Variants in UNC5D observed in about 807,000 individuals in gnomAD.
UNC5D encodes unc-5 netrin receptor D.
UNC5D carries 39 observed loss-of-function variants against 105.4 expected under a neutral mutation model. The observed-to-expected ratio is 0.37, with a 90% CI of 0.29 to 0.48. The LOEUF (loss-of-function observed/expected upper bound fraction) is 0.48. UNC5D is among the 20% of genes least tolerant of loss of function. The probability of loss-of-function intolerance (pLI) is 0.98; values close to 1 mark genes in which losing one functional copy is unlikely to be tolerated. For synonymous variants in UNC5D, 452 were observed against 450.4 expected (o/e 1.00, Z -0.04); for missense variants, 991 against 1,202.4 (o/e 0.82, Z 2.60).
At chr8:35,451,273 C>T (rs1808136279) in intron 1 of UNC5D, among the ~76,000 whole-genome samples, 1 of 152,010 alleles carries the variant, frequency 6.6e-6, no homozygotes, top group Admixed American at 6.6e-5. Flanking sequence ...GAACTCCCAA[C>T]CTCAGGTGAT....
intron 1 of UNC5D, among the ~76,000 whole-genome samples, chr8:35,507,584 G>A (rs1275889431): frequency 6.6e-6 from 1 of 151,934 alleles, no homozygotes; most frequent in African/African-American, 2.4e-5. Context: ...GAGAGCAGAA[G>A]GATGGTTACC....
intron 1 of UNC5D, among the ~76,000 whole-genome samples, chr8:35,398,939 T>C (rs1804269560): frequency 6.6e-6 from 1 of 152,040 alleles, no homozygotes; most frequent in South Asian, 2.1e-4. Flanking sequence ...GCAGATTGCC[T>C]GAGCTCAGGA....
intron 1 of UNC5D, among the ~76,000 whole-genome samples, chr8:35,491,972 G>C (rs1373673872): frequency 1.3e-5 from 2 of 152,090 alleles, no homozygotes; most frequent in Non-Finnish European, 1.5e-5. Context: ...AAAGCAAAGA[G>C]TATGATTTGA....
chr8:35,496,229 A>G (rs961588738), intron 1 of UNC5D, among the ~76,000 whole-genome samples: 1 of 152,182 alleles, frequency 6.6e-6, no homozygotes, highest in Non-Finnish European at 1.5e-5. Context: ...ATAGGTAAGT[A>G]TCTGTGAGTA....
chr8:35,722,547 G>C, intron 9 of UNC5D, 152 bp downstream of exon 9: 3 of 969,172 alleles, frequency 3.1e-6, no homozygotes, highest in Non-Finnish European at 4.4e-6. Context: ...GACCGGGCTG[G>C]GTGAAGTGGT....
At chr8:35,506,629 G>T (rs572024531) in intron 1 of UNC5D, among the ~76,000 whole-genome samples, 1 of 152,204 alleles carries the variant, frequency 6.6e-6, no homozygotes, top group African/African-American at 2.4e-5. Context: ...GAAGTATTTC[G>T]GAATCTAAAG....
chr8:35,642,439 AT>A lies in UNC5D; in HGVS notation c.571-41100del, dbSNP rs1039729372. 1.4e-4 allele frequency among the ~76,000 whole-genome samples: 22 copies of A among 152,058 alleles called. 1 individual carries two copies. The highest frequency in any genetic ancestry group is 2.9e-4 in the African/African-American group (12 of 41,482). On this transcript the variant is annotated intron_variant, in intron 4 of 16. Coordinates refer to ENST00000404895, the MANE Select transcript of UNC5D (RefSeq NM_080872.4). ...AAACAAATAGCAACAACATGATACAATTTTTTTTAGAGGTTTTTCTGTCCTC... is the reference window on the plus strand; with the variant it reads ...AAACAAATAGCAACAACATGATACAATTTTTTTAGAGGTTTTTCTGTCCTC...
chr8:35,425,950 T>C (rs1216496060), intron 1 of UNC5D, among the ~76,000 whole-genome samples: 1 of 152,146 alleles, frequency 6.6e-6, no homozygotes, highest in African/African-American at 2.4e-5. Context: ...ACTAACATGA[T>C]TTTTGAACGT....
At position 35,560,527 on chromosome 8, in the gene UNC5D, G is replaced by A. The variant is rs567847223; in HGVS notation, c.323-7571G>A. 3.9e-5 allele frequency among the ~76,000 whole-genome samples: 6 copies of A among 152,268 alleles called. No individual in the cohort carries two copies. In the South Asian group the frequency reaches 1.2e-3, roughly 32 times the overall value. ...GTATGTATATCATTTGATCAGTGAG[G>A]ATTTGAGAAAGAATGTATTTAAAAA... On this transcript the variant is annotated intron_variant, in intron 2 of 16. Coordinates refer to ENST00000404895, the MANE Select transcript of UNC5D (RefSeq NM_080872.4).
Position 35,748,542 on chromosome 8 carries a change from C to G in UNC5D, c.1782C>G (p.Gly594=). Reference sequence around the variant, plus strand: ...AACTGTGAAGCCTCCAGTCAGATGGCTCTGAGGTGCTCCTGAGTCCTGAAG... The same window carrying G: ...AACTGTGAAGCCTCCAGTCAGATGGGTCTGAGGTGCTCCTGAGTCCTGAAG... ...NQGEPSLQSD[G]SEVLLSPEVT... Residue 594 remains glycine (G), a synonymous_variant, in exon 12 of 17, where the codon GGC becomes GGG. Transcript: ENST00000404895. 6.2e-7 allele frequency: 1 copy of G among 1,613,794 alleles called. No homozygotes were observed. Among genetic ancestry groups the G allele is most frequent in the Non-Finnish European group, 8.5e-7 (1 of 1,179,822 alleles).
chr8:35,519,408 C>A (rs1410701319), intron 1 of UNC5D, among the ~76,000 whole-genome samples: 1 of 152,046 alleles, frequency 6.6e-6, no homozygotes, highest in African/African-American at 2.4e-5. Flanking sequence ...TTATAACATA[C>A]CCACATGCGC....
chr8:35,685,621 T>G (rs952612181), intron 6 of UNC5D, among the ~76,000 whole-genome samples: 1 of 152,196 alleles, frequency 6.6e-6, no homozygotes, highest in Non-Finnish European at 1.5e-5. Context: ...ATTGAGTGCT[T>G]ACTATGTGCC....
rs145676748 is a variant in UNC5D, at chr8:35,264,245, G to A, written c.103+28358G>A. 7.2e-3 allele frequency among the ~76,000 whole-genome samples: 1,102 copies of A among 152,270 alleles called. 8 individuals carry two copies. The highest frequency in any genetic ancestry group is 0.013 in the African/African-American group (536 of 41,540). The stretch of plus-strand genomic sequence containing the variant: ...TGCTCAGGCACTGCAGATGTTCTAC[G>A]TGCAAATGAATAGAGTGGTTAAATT... On this transcript the variant is annotated intron_variant, in intron 1 of 16. Coordinates refer to ENST00000404895, the MANE Select transcript of UNC5D (RefSeq NM_080872.4).
At chr8:35,474,243 T>G (rs1030452567) in intron 1 of UNC5D, among the ~76,000 whole-genome samples, 1 of 152,250 alleles carries the variant, frequency 6.6e-6, no homozygotes, top group Non-Finnish European at 1.5e-5. Flanking sequence ...ACAGTTTTCC[T>G]AGTTGTTTAC....
chr8:35,388,359 A>G (rs888052892), intron 1 of UNC5D, among the ~76,000 whole-genome samples: 1 of 151,848 alleles, frequency 6.6e-6, no homozygotes, highest in Admixed American at 6.6e-5. Flanking sequence ...GTGAAACCCC[A>G]TCTCGAAAAA....
intron 4 of UNC5D, among the ~76,000 whole-genome samples, chr8:35,646,708 A>G (rs1292114045): frequency 6.6e-6 from 1 of 152,168 alleles, no homozygotes; most frequent in African/African-American, 2.4e-5. Context: ...AGCAATGATT[A>G]TCCCTAAATG....
intron 16 of UNC5D, among the ~76,000 whole-genome samples, chr8:35,779,676 A>G (rs1802414910): frequency 1.3e-5 from 2 of 152,002 alleles, no homozygotes; most frequent in African/African-American, 4.8e-5. Flanking sequence ...GGCTGGTCTC[A>G]AACTCCTGGC....
chr8:35,663,489 C>A (rs982362325), intron 4 of UNC5D, among the ~76,000 whole-genome samples: 3 of 152,132 alleles, frequency 2.0e-5, no homozygotes, highest in East Asian at 3.9e-4. Context: ...GTGTTCATGT[C>A]CAGCTAAAAC....
At chr8:35,759,931 A>AT (rs1296287586) in intron 14 of UNC5D, among the ~76,000 whole-genome samples, 8 of 152,044 alleles carry the variant, frequency 5.3e-5, no homozygotes, top group African/African-American at 1.4e-4. Flanking sequence ...GAAACAAGAG[A>AT]TTTTTTTCTT....
Sources: allele counts gnomAD v4.1 joint callset (sites outside exome capture counted in the v4.1 genomes callset), GRCh38; gene constraint gnomAD v4.1.1; transcripts MANE v1.5; gene names NCBI Gene and HGNC (gene_info 2026-07-23, HGNC 2026-07-21).